The following UGGT2 variants were observed in gnomAD, a reference collection of about 807,000 sequenced individuals.
The protein encoded by UGGT2 is UDP-glucose:glycoprotein glucosyltransferase 2.
A neutral mutation model predicts 192.1 loss-of-function variants in UGGT2; 180 were observed. The ratio of observed to expected loss-of-function variants is 0.94; its 90% CI spans 0.83 to 1.06. UGGT2 has a LOEUF of 1.06. Ranked by LOEUF, UGGT2 falls within the 50% of genes least tolerant of loss-of-function variation. The pLI is 0.00. For missense variants in UGGT2, 1,849 were observed against 1,795.7 expected, an observed-to-expected ratio of 1.03 and a Z score of -0.54; for synonymous variants, 580 against 591.0, an observed-to-expected ratio of 0.98 and a Z score of 0.27.
At chr13:95,996,835 A>G (rs146432921) in intron 6 of UGGT2, among the ~76,000 whole-genome samples, 1 of 152,330 alleles carries the variant, frequency 6.6e-6, no homozygotes, top group African/African-American at 2.4e-5. Context: ...ATAATCAAGG[A>G]ACATTTAGAA....
At chr13:96,029,691 C>G (rs986602555) in intron 2 of UGGT2, among the ~76,000 whole-genome samples, 5 of 152,168 alleles carry the variant, frequency 3.3e-5, no homozygotes, top group African/African-American at 1.2e-4. Context: ...AGCTTATATT[C>G]CAGCTTGTGA....
chr13:95,912,883 A>G (rs1372294329), intron 20 of UGGT2, among the ~76,000 whole-genome samples: 1 of 152,238 alleles, frequency 6.6e-6, no homozygotes, highest in Non-Finnish European at 1.5e-5. Context: ...CTGGTACCAA[A>G]ACAGAGGTAT....
At chr13:95,809,707 C>A (rs1884487043) in intron 38 of UGGT2, 1 of 157,452 alleles carries the variant, frequency 6.4e-6, no homozygotes, top group Non-Finnish European at 1.4e-5. Flanking sequence ...GCTGGGCTGC[C>A]TGGCTGCTGC....
chr13:95,932,110 C>T (rs1216970422), intron 17 of UGGT2, among the ~76,000 whole-genome samples: 1 of 152,114 alleles, frequency 6.6e-6, no homozygotes, highest in Non-Finnish European at 1.5e-5. Flanking sequence ...ATGACATTGG[C>T]AGTTTGATAT....
intron 20 of UGGT2, among the ~76,000 whole-genome samples, chr13:95,922,536 C>T (rs1475571243): frequency 6.6e-6 from 1 of 152,124 alleles, no homozygotes; most frequent in Non-Finnish European, 1.5e-5. Context: ...AAGAAGCCAT[C>T]TTTGGCCAGG....
At chr13:95,985,868 A>G (rs1275253096) in intron 9 of UGGT2, among the ~76,000 whole-genome samples, 2 of 152,158 alleles carry the variant, frequency 1.3e-5, no homozygotes, top group East Asian at 1.9e-4. Flanking sequence ...TCTTGGCAAA[A>G]AAGTACTCCA....
intron 36 of UGGT2, among the ~76,000 whole-genome samples, chr13:95,841,498 A>C (rs919455678): frequency 2.0e-5 from 3 of 152,194 alleles, no homozygotes; most frequent in Non-Finnish European, 2.9e-5. Context: ...GTAGCCAGCC[A>C]GATCAGCTGA....
intron 21 of UGGT2, 84 bp from the exon 22 acceptor site, chr13:95,901,022 A>C: frequency 1.0e-6 from 1 of 987,796 alleles, no homozygotes; most frequent in East Asian, 3.4e-5. Context: ...TAATATTAGT[A>C]TAAAATTTTA....
intron 10 of UGGT2, among the ~76,000 whole-genome samples, chr13:95,974,510 T>C (rs369736832): frequency 1.1e-4 from 16 of 152,304 alleles, no homozygotes; most frequent in African/African-American, 3.6e-4. Flanking sequence ...TGAACAATAA[T>C]GCTCAGAAAA....
At position 95,877,815 on chromosome 13, in the gene UGGT2, TAAGTA is replaced by T; in HGVS notation, c.3265_3269del (p.Tyr1089ThrfsTer8). On this transcript the variant is annotated frameshift_variant, in exon 28 of 39. Transcript: ENST00000376747. LOFTEE classifies it high-confidence loss of function. ...TATCAAAGCATTGTCCTTCCAGTAG[TAAGTA>T]TTCTAGTTCATATTCTGCTGTAACA... 1 of 1,613,996 alleles carries T rather than the reference TAAGTA, an allele frequency of 6.2e-7. No individual in the cohort carries two copies. Among genetic ancestry groups the T allele is most frequent in the Non-Finnish European group, 8.5e-7 (1 of 1,179,954 alleles).
intron 17 of UGGT2, among the ~76,000 whole-genome samples, chr13:95,927,843 TGA>T (rs1368826326): frequency 6.6e-6 from 1 of 152,144 alleles, no homozygotes; most frequent in Non-Finnish European, 1.5e-5. Context: ...CCTGGGTACT[TGA>T]GATTCGGGAG....
chr13:95,947,584 G>C (rs550826573), intron 14 of UGGT2, among the ~76,000 whole-genome samples: 37 of 152,006 alleles, frequency 2.4e-4, no homozygotes, highest in East Asian at 2.3e-3. Flanking sequence ...CCAGGTAGCT[G>C]GGACTATAGG....
intron 38 of UGGT2, among the ~76,000 whole-genome samples, chr13:95,805,357 T>C (rs1409333223): frequency 1.3e-5 from 2 of 151,824 alleles, no homozygotes; most frequent in Non-Finnish European, 2.9e-5. Context: ...GAGTGTAAAA[T>C]AATGCAACTG....
intron 36 of UGGT2, among the ~76,000 whole-genome samples, chr13:95,845,118 G>C (rs1210700008): frequency 6.6e-6 from 1 of 152,002 alleles, no homozygotes; most frequent in African/African-American, 2.4e-5. Flanking sequence ...TACTGAATCA[G>C]TCTTGCATTC....
intron 21 of UGGT2, 42 bp from the exon 22 acceptor site, chr13:95,900,980 G>C: frequency 7.4e-7 from 1 of 1,344,854 alleles, no homozygotes; most frequent in Non-Finnish European, 9.7e-7. Context: ...TATGAGAACA[G>C]TAAATATATT....
intron 6 of UGGT2, among the ~76,000 whole-genome samples, chr13:95,997,365 T>C (rs2051656665): frequency 6.6e-6 from 1 of 152,170 alleles, no homozygotes; most frequent in South Asian, 2.1e-4. Context: ...TTTATTAGTC[T>C]GGCCAGGTGT....
chr13:95,911,239 G>A (rs1345859292), intron 20 of UGGT2, among the ~76,000 whole-genome samples: 1 of 152,110 alleles, frequency 6.6e-6, no homozygotes, highest in Non-Finnish European at 1.5e-5. Flanking sequence ...ACTAAGATCA[G>A]AGCAGAACTG....
intron 29 of UGGT2, among the ~76,000 whole-genome samples, chr13:95,872,265 T>C (rs774332205): frequency 6.6e-5 from 10 of 152,186 alleles, no homozygotes; most frequent in Non-Finnish European, 1.3e-4. Flanking sequence ...ACAAATAATC[T>C]GCAGTTAATG....
In UGGT2 at chr13:95,832,986, T is replaced by G. The variant is rs1432113348; in HGVS notation, c.4469A>C (p.Glu1490Ala). ...AAARIVPEWVEYDAEIRQLLD... is the reference protein window; with the variant it reads ...AAARIVPEWVAYDAEIRQLLD... ...TAGTTGTCTTATCTCAGCATCATAC[T>G]CCACCCATTCTGGGACAATTCTGGC... The change falls in exon 38 of 39, where the codon GAG becomes GCG. Residue 1490 changes from glutamate (E) to alanine (A), a missense_variant. Glu to Ala is a moderately radical substitution (Grantham distance 107). Transcript: ENST00000376747. 7 of 1,613,084 alleles carry G rather than the reference T, an allele frequency of 4.3e-6. No individual in the cohort carries two copies. The highest frequency in any genetic ancestry group is 5.9e-6 in the Non-Finnish European group (7 of 1,179,306).
Sources: gnomAD v4.1 joint callset for allele counts (sites outside exome capture counted in the v4.1 genomes callset) on GRCh38, gnomAD v4.1.1 for gene constraint, MANE v1.5 for transcripts, NCBI Gene and HGNC (gene_info 2026-07-23, HGNC 2026-07-21) for gene names.